The following RAPGEF6 variants were observed in gnomAD, a reference collection of about 807,000 sequenced individuals.
RAPGEF6 encodes the protein Rap guanine nucleotide exchange factor 6.
A neutral mutation model predicts 171.4 loss-of-function variants in RAPGEF6; 56 were observed. That is an observed-to-expected ratio of 0.33 (90% CI 0.26 to 0.41). RAPGEF6 has a LOEUF of 0.41. Ranked by LOEUF, RAPGEF6 falls within the 10% of genes least tolerant of loss-of-function variation. The pLI is 1.00. For missense variants in RAPGEF6, 1,674 were observed against 1,921.4 expected, an observed-to-expected ratio of 0.87 and a Z score of 2.41; for synonymous variants, 692 against 650.1, an observed-to-expected ratio of 1.06 and a Z score of -0.98.
At chr5:131,497,065 A>G (rs10037742) in intron 12 of RAPGEF6, among the ~76,000 whole-genome samples, 10,737 of 152,120 alleles carry the variant, frequency 0.071, 918 homozygotes, top group African/African-American at 0.21. Flanking sequence ...TTTAAAAGCC[A>G]TCCTAGTGGG....
chr5:131,452,025 G>A (rs1006856765), intron 21 of RAPGEF6, among the ~76,000 whole-genome samples: 3 of 152,136 alleles, frequency 2.0e-5, no homozygotes, highest in Non-Finnish European at 2.9e-5. Context: ...GAGGTCAGGA[G>A]ATCGAGACCA....
intron 6 of RAPGEF6, among the ~76,000 whole-genome samples, chr5:131,526,496 C>G (rs1252303108): frequency 6.6e-6 from 1 of 152,162 alleles, no homozygotes; most frequent in Non-Finnish European, 1.5e-5. Flanking sequence ...GTTACTCTTT[C>G]CTACTAAGTT....
chr5:131,447,729 T>C (rs1013921594), intron 21 of RAPGEF6, among the ~76,000 whole-genome samples: 1 of 152,240 alleles, frequency 6.6e-6, no homozygotes, highest in African/African-American at 2.4e-5. Context: ...TACTTTAAAA[T>C]AGACACTAAA....
rs558071165 is a variant in RAPGEF6, at chr5:131,424,148, C to T, written c.*3118G>A. ...GATACCTTACAATCAATGAATTGTG[C>T]AGTAGAATTGCTATCTGATTATTAC... On this transcript the variant is annotated 3_prime_UTR_variant, in exon 28 of 28. Coordinates refer to ENST00000509018, the MANE Select transcript of RAPGEF6 (RefSeq NM_016340.6). 6.6e-6 allele frequency: 1 copy of T among 152,258 alleles called. No individual in the cohort carries two copies. The highest frequency in any genetic ancestry group is 1.5e-5 in the Non-Finnish European group (1 of 68,016). 9.4% of individuals were successfully genotyped at this position (152,258 alleles called of 1,614,324 possible).
rs1416103900 is a variant in RAPGEF6, at chr5:131,510,305, A to C, written c.805+9T>G. 4 of 1,609,082 alleles carry C rather than the reference A, an allele frequency of 2.5e-6. No individual in the cohort carries two copies. The East Asian group carries it at 6.7e-5, about 27-fold the overall frequency. On this transcript the variant is annotated intron_variant, in intron 8 of 27. Transcript: ENST00000509018. ...ACAAATTCTTATTGTGAACACATATATTTCTTACCAATGTCATCATCAGTT... is the reference window on the plus strand; with the variant it reads ...ACAAATTCTTATTGTGAACACATATCTTTCTTACCAATGTCATCATCAGTT...
intron 21 of RAPGEF6, among the ~76,000 whole-genome samples, chr5:131,450,663 T>C (rs749341459): frequency 3.3e-5 from 5 of 152,150 alleles, no homozygotes; most frequent in Non-Finnish European, 5.9e-5. Context: ...AGTCTGCAAA[T>C]TGATTACTGT....
intron 14 of RAPGEF6, among the ~76,000 whole-genome samples, chr5:131,491,937 G>T (rs1756309838): frequency 6.6e-6 from 1 of 152,180 alleles, no homozygotes; most frequent in Non-Finnish European, 1.5e-5. Flanking sequence ...TGGGCAATAT[G>T]ACTAACAGGA....
At chr5:131,455,670 A>C in intron 20 of RAPGEF6, 131 bp downstream of exon 20, 1 of 711,778 alleles carries the variant, frequency 1.4e-6, no homozygotes, top group Non-Finnish European at 2.3e-6. Flanking sequence ...CTAATTCAAC[A>C]CTAGAAAAAT....
Position 131,447,939 on chromosome 5 carries a change from G to C in RAPGEF6, c.3201-1236C>G, listed in dbSNP as rs570540462. On this transcript the variant is annotated intron_variant, in intron 21 of 27. Transcript: ENST00000509018. ...GACCTCAAAACTTGCAGAATGGCTT[G>C]AAAGAAAATCCAAAGCCATTAGTGA... 1.4e-4 allele frequency among the ~76,000 whole-genome samples: 21 copies of C among 152,300 alleles called. No individual in the cohort carries two copies. In the South Asian group the frequency reaches 4.1e-3, roughly 30 times the overall value.
At position 131,508,122 on chromosome 5, in the gene RAPGEF6, A is replaced by G; in HGVS notation, c.891T>C (p.Ile297=). The G allele has an allele frequency of 6.2e-7, 1 of 1,613,514 alleles. No homozygotes were observed. Among genetic ancestry groups the G allele is most frequent in the Non-Finnish European group, 8.5e-7 (1 of 1,179,662 alleles). Residue 297 remains isoleucine (I), a synonymous_variant, in exon 9 of 28, where the codon ATT becomes ATC. Coordinates refer to ENST00000509018, the MANE Select transcript of RAPGEF6 (RefSeq NM_016340.6). Reference sequence around the variant, plus strand: ...CTCCAGCCTGCTCTACCACTTCAAAAATCATCACTGAGCAGAGTTCTCTCC... The same window carrying G: ...CTCCAGCCTGCTCTACCACTTCAAAGATCATCACTGAGCAGAGTTCTCTCC... ...SVRRELCSVM[I]FEVVEQAGAI...
intron 4 of RAPGEF6, among the ~76,000 whole-genome samples, chr5:131,563,744 A>C (rs1761750849): frequency 6.6e-6 from 1 of 152,126 alleles, no homozygotes; most frequent in Non-Finnish European, 1.5e-5. Context: ...GGCTCAAGCA[A>C]TCCACCCACC....
At chr5:131,534,549 GT>G (rs1453229727) in intron 6 of RAPGEF6, among the ~76,000 whole-genome samples, 1 of 148,422 alleles carries the variant, frequency 6.7e-6, no homozygotes, top group Non-Finnish European at 1.5e-5. Context: ...AGCATGACTA[GT>G]TTTCTAAACA....
At position 131,462,180 on chromosome 5, in the gene RAPGEF6, C is replaced by T. The variant is rs556869181; in HGVS notation, c.2481-92G>A. On this transcript the variant is annotated intron_variant, in intron 18 of 27. Coordinates refer to ENST00000509018, the MANE Select transcript of RAPGEF6 (RefSeq NM_016340.6). ...TTTGTCGTTGTAAAATATCATTTTA[C>T]TGTTAATAACTTTTAGCCAAAAATA... 147 of 1,061,644 alleles carry T rather than the reference C, an allele frequency of 1.4e-4. 5 individuals are homozygous for T. In the South Asian group the frequency reaches 3.2e-3, roughly 23 times the overall value. The allele number at this position is 1,061,644 out of a possible 1,614,324, so 65.8% of individuals were successfully genotyped here. A position where few individuals can be genotyped will look rare whatever the true frequency, so the allele number is the denominator to read the frequency against.
chr5:131,564,148 C>T (rs548299897), intron 4 of RAPGEF6, among the ~76,000 whole-genome samples: 81 of 152,086 alleles, frequency 5.3e-4, no homozygotes, highest in African/African-American at 1.7e-3. Flanking sequence ...AGCTAATAAG[C>T]GTTTTGGGGT....
At chr5:131,456,450 T>C (rs1392459331) in intron 19 of RAPGEF6, among the ~76,000 whole-genome samples, 1 of 152,204 alleles carries the variant, frequency 6.6e-6, no homozygotes, top group Non-Finnish European at 1.5e-5. Flanking sequence ...AAGCCTTTTT[T>C]TTCCTGCGAT....
At chr5:131,599,036 C>A (rs191465315) in intron 3 of RAPGEF6, among the ~76,000 whole-genome samples, 2 of 152,142 alleles carry the variant, frequency 1.3e-5, no homozygotes, top group Admixed American at 1.3e-4. Context: ...TTAGGCCGAG[C>A]GTGGGGGCTC....
At chr5:131,462,289 C>T (rs576838738) in intron 18 of RAPGEF6, among the ~76,000 whole-genome samples, 4 of 152,220 alleles carry the variant, frequency 2.6e-5, no homozygotes, top group Admixed American at 2.6e-4. Flanking sequence ...CAACTGGCAT[C>T]TATTAAAGAG....
At chr5:131,609,096 G>A (rs1764788958) in intron 1 of RAPGEF6, among the ~76,000 whole-genome samples, 2 of 152,148 alleles carry the variant, frequency 1.3e-5, no homozygotes, top group African/African-American at 2.4e-5. Context: ...CCTGCCATGT[G>A]ATCTTGCACA....
chr5:131,466,283 C>A (rs1561486415), intron 17 of RAPGEF6, among the ~76,000 whole-genome samples: 1 of 151,730 alleles, frequency 6.6e-6, no homozygotes, highest in South Asian at 2.1e-4. Context: ...AACTCTCTTT[C>A]CTCAATGTAT....
Sources: gnomAD v4.1 joint callset for allele counts (sites outside exome capture counted in the v4.1 genomes callset) on GRCh38, gnomAD v4.1.1 for gene constraint, MANE v1.5 for transcripts, NCBI Gene and HGNC (gene_info 2026-07-23, HGNC 2026-07-21) for gene names.